Variants in MAF observed in about 807,000 individuals in gnomAD.
The protein encoded by MAF is MAF bZIP transcription factor, also known as transcription factor Maf.
MAF carries 10 observed loss-of-function variants against 22.0 expected under a neutral mutation model. The ratio of observed to expected loss-of-function variants is 0.45; its 90% CI spans 0.28 to 0.77. The LOEUF is 0.77. MAF is among the 30% of genes least tolerant of loss of function. The pLI is 0.12. For missense variants in MAF, 544 were observed against 548.4 expected, an observed-to-expected ratio of 0.99 and a Z score of 0.08; for synonymous variants, 337 against 255.8, an observed-to-expected ratio of 1.32 and a Z score of -3.03.
the MAF span, among the ~76,000 whole-genome samples, chr16:79,267,192 A>T: frequency 6.6e-6 from 1 of 152,204 alleles, no homozygotes; most frequent in African/African-American, 2.4e-5. Context: ...TCAGCGTGGA[A>T]GTTCTGTCCA....
At chr16:79,248,716 T>C in the MAF span, among the ~76,000 whole-genome samples, 4 of 152,266 alleles carry the variant, frequency 2.6e-5, no homozygotes, top group East Asian at 3.9e-4. Flanking sequence ...GGGAACATGG[T>C]TTCATGCTGC....
the MAF span, among the ~76,000 whole-genome samples, chr16:79,467,710 G>A: frequency 6.6e-6 from 1 of 152,268 alleles, no homozygotes; most frequent in East Asian, 1.9e-4. Flanking sequence ...CTGGGGCCCT[G>A]CAGTCTGCGT....
chr16:79,321,339 G>C, the MAF span, among the ~76,000 whole-genome samples: 1 of 152,216 alleles, frequency 6.6e-6, no homozygotes, highest in Non-Finnish European at 1.5e-5. Flanking sequence ...GCAAATACAA[G>C]ATGCCCAGTT....
the MAF span, among the ~76,000 whole-genome samples, chr16:79,308,104 T>C: frequency 1.3e-5 from 2 of 152,210 alleles, no homozygotes; most frequent in African/African-American, 4.8e-5. Context: ...GACTGTGTCA[T>C]ATCTATGGTG....
At chr16:79,370,521 G>C in the MAF span, among the ~76,000 whole-genome samples, 1 of 152,154 alleles carries the variant, frequency 6.6e-6, no homozygotes, top group South Asian at 2.1e-4. Flanking sequence ...TCTCTCTAAA[G>C]ATATGAGCAT....
the MAF span, among the ~76,000 whole-genome samples, chr16:79,257,478 G>A: frequency 6.6e-6 from 1 of 152,164 alleles, no homozygotes; most frequent in African/African-American, 2.4e-5. Context: ...AGGCCATAAT[G>A]TCTACCATAA....
chr16:79,314,403 C>T, the MAF span, among the ~76,000 whole-genome samples: 1 of 152,176 alleles, frequency 6.6e-6, no homozygotes, highest in Admixed American at 6.5e-5. Flanking sequence ...ATAACATTTA[C>T]ATGGAAGTCT....
the MAF span, among the ~76,000 whole-genome samples, chr16:79,375,105 GAATA>G: frequency 1.3e-5 from 2 of 152,178 alleles, no homozygotes; most frequent in Non-Finnish European, 2.9e-5. Flanking sequence ...AGGAATGAAT[GAATA>G]AATAAATGAC....
the MAF span, among the ~76,000 whole-genome samples, chr16:79,319,636 T>C: frequency 6.6e-6 from 1 of 152,234 alleles, no homozygotes; most frequent in African/African-American, 2.4e-5. Flanking sequence ...CTGATTATTC[T>C]TAAACTATTC....
chr16:79,553,859 C>T, the MAF span, among the ~76,000 whole-genome samples: 8 of 152,008 alleles, frequency 5.3e-5, no homozygotes, highest in African/African-American at 1.9e-4. Flanking sequence ...GAGGCCGAGG[C>T]GGGTGGATCA....
the MAF span, among the ~76,000 whole-genome samples, chr16:79,308,356 C>T: frequency 6.6e-6 from 1 of 152,144 alleles, no homozygotes; most frequent in Non-Finnish European, 1.5e-5. Flanking sequence ...TTCAGAGAGG[C>T]CATTGGATGG....
the MAF span, among the ~76,000 whole-genome samples, chr16:79,513,463 A>C: frequency 1.3e-5 from 2 of 152,216 alleles, no homozygotes; most frequent in African/African-American, 2.4e-5. Flanking sequence ...CTGCTCCTGG[A>C]GCACAGCAGA....
At chr16:79,502,744 T>A in the MAF span, among the ~76,000 whole-genome samples, 4,054 of 110,190 alleles carry the variant, frequency 0.037, 284 homozygotes, top group Admixed American at 0.043. Context: ...TATATATATA[T>A]ATATATATAT....
At chr16:79,440,603 T>G in the MAF span, among the ~76,000 whole-genome samples, 1 of 152,044 alleles carries the variant, frequency 6.6e-6, no homozygotes, top group African/African-American at 2.4e-5. Context: ...GCCCGGCTAG[T>G]TTTTGTATTT....
At chr16:79,532,695 TGTGA>T in the MAF span, among the ~76,000 whole-genome samples, 8 of 152,194 alleles carry the variant, frequency 5.3e-5, no homozygotes, top group African/African-American at 7.2e-5. Context: ...AGCATTCGTG[TGTGA>T]GTGTGTGTGC....
the MAF span, among the ~76,000 whole-genome samples, chr16:79,237,236 A>ATATC: frequency 6.6e-6 from 1 of 152,186 alleles, no homozygotes; most frequent in South Asian, 2.1e-4. Flanking sequence ...ACCAAGACAA[A>ATATC]TATCTCCCCA....
At chr16:79,536,228 T>C in the MAF span, among the ~76,000 whole-genome samples, 1 of 152,208 alleles carries the variant, frequency 6.6e-6, no homozygotes, top group Non-Finnish European at 1.5e-5. Context: ...TTTTAGAACA[T>C]GGAATTCACT....
At chr16:79,439,099 A>T in the MAF span, among the ~76,000 whole-genome samples, 1 of 151,986 alleles carries the variant, frequency 6.6e-6, no homozygotes, top group African/African-American at 2.4e-5. Flanking sequence ...GGATTTGCAC[A>T]TCCTAATCTA....
the MAF span, among the ~76,000 whole-genome samples, chr16:79,469,404 C>T: frequency 1.3e-5 from 2 of 152,240 alleles, no homozygotes; most frequent in Non-Finnish European, 2.9e-5. Flanking sequence ...CCAACTCTCC[C>T]GCCTATTACC....
Sources: gnomAD v4.1 joint callset for allele counts (sites outside exome capture counted in the v4.1 genomes callset) on GRCh38, gnomAD v4.1.1 for gene constraint, MANE v1.5 for transcripts, NCBI Gene and HGNC (gene_info 2026-07-23, HGNC 2026-07-21) for gene names.